The following MAP1B variants were observed in gnomAD, a reference collection of about 807,000 sequenced individuals.
MAP1B encodes the protein microtubule-associated protein 1B.
Under a neutral mutation model 176.1 loss-of-function variants are expected in MAP1B, and 12 were observed. The observed-to-expected ratio is 0.07, with a 90% confidence interval of 0.04 to 0.11. The LOEUF is 0.11. Among genes scored for constraint, MAP1B ranks in the 10% least tolerant of loss-of-function variants. The pLI is 1.00. For missense variants in MAP1B, 2,523 were observed against 2,990.5 expected, an observed-to-expected ratio of 0.84 and a Z score of 3.65; for synonymous variants, 1,044 against 1,135.0, an observed-to-expected ratio of 0.92 and a Z score of 1.61.
chr5:72,198,502 A>T lies in MAP1B; in HGVS notation c.5147A>T (p.Asp1716Val), dbSNP rs376206521. 2 of 1,613,946 alleles carry T rather than the reference A, an allele frequency of 1.2e-6. No individual in the cohort carries two copies. Among genetic ancestry groups the T allele is most frequent in the Non-Finnish European group, 1.7e-6 (2 of 1,180,022 alleles). The change falls in exon 5 of 7, where the codon GAT becomes GTT. Residue 1716 changes from aspartate to valine, a missense_variant. Physicochemically the swap from Asp to Val is radical, Grantham distance 152. This residue lies in a region of MAP1B where 1,925 missense variants were observed against 2,126.0 expected (regional missense o/e 0.91). Coordinates refer to ENST00000296755, the MANE Select transcript of MAP1B (RefSeq NM_005909.5). ...MEEPSYTQDN[D>V]LSELISVSQV... ...GAGCCGTCCTACACCCAAGATAATG[A>T]TCTTTCTGAGCTCATCTCAGTATCT... is the stretch of plus-strand genomic sequence containing the variant.
rs35538777 is a variant in MAP1B, at chr5:72,195,290, G to A, written c.1935G>A (p.Lys645=). The A allele has an allele frequency of 1.3e-4, 211 of 1,613,230 alleles. No homozygotes were observed. The African/African-American group carries it at 2.7e-3, about 20-fold the overall frequency. ...EKTVKKETKV[K]PEDKKEEKEK... ...CGGTGAAAAAGGAAACAAAGGTAAA[G>A]CCTGAAGACAAGAAAGAGGAGAAAG... is the stretch of plus-strand genomic sequence containing the variant. Residue 645 remains lysine (K), a synonymous_variant, in exon 5 of 7, where the codon AAG becomes AAA. Transcript: ENST00000296755.
intron 1 of MAP1B, among the ~76,000 whole-genome samples, chr5:72,108,288 C>A (rs1157401692): frequency 6.6e-6 from 1 of 152,246 alleles, no homozygotes; most frequent in Non-Finnish European, 1.5e-5. Flanking sequence ...CCCGCTCCCC[C>A]CGCCCCCCCC....
In MAP1B at chr5:72,195,725, G is replaced by A. The variant is rs1437340355; in HGVS notation, c.2370G>A (p.Lys790=). ...TAAAAGTCATTAAGAAGGAAGGCAA[G>A]GCCGCAGAGGCTGTCGCTGCAGCTG... The part of the protein sequence containing the change: ...GKIKVIKKEG[K]AAEAVAAAVG... The change falls in exon 5 of 7, where the codon AAG becomes AAA. Residue 790 remains lysine (K), a synonymous_variant. Coordinates refer to ENST00000296755, the MANE Select transcript of MAP1B (RefSeq NM_005909.5). The A allele has an allele frequency of 6.2e-7, 1 of 1,614,244 alleles. No homozygotes were observed. Among genetic ancestry groups the A allele is most frequent in the Non-Finnish European group, 8.5e-7 (1 of 1,180,046 alleles).
intron 2 of MAP1B, among the ~76,000 whole-genome samples, chr5:72,121,890 A>G (rs1745536308): frequency 6.6e-6 from 1 of 152,186 alleles, no homozygotes; most frequent in Non-Finnish European, 1.5e-5. Flanking sequence ...AGCGGCATTC[A>G]AGGGGCTGAC....
In MAP1B at chr5:72,198,201, C is replaced by T. The variant is rs753784051; in HGVS notation, c.4846C>T (p.Pro1616Ser). The part of the protein sequence containing the change: ...MSPSKEECPR[P>S]MSISPPDFSP... ...TCCATCTAAAGAAGAATGCCCAAGA[C>T]CGATGTCAATTTCTCCACCAGATTT... Residue 1616 changes from proline to serine, a missense_variant, in exon 5 of 7, where the codon CCG (proline) becomes TCG (serine). By Grantham distance (74) the Pro-to-Ser change is moderately conservative. Transcript: ENST00000296755. 1.4e-5 allele frequency: 22 copies of T among 1,614,100 alleles called. No homozygotes were observed. The highest frequency in any genetic ancestry group is 1.8e-5 in the Non-Finnish European group (21 of 1,180,048).
At chr5:72,156,460 T>A (rs2112173380) in intron 2 of MAP1B, among the ~76,000 whole-genome samples, 1 of 152,302 alleles carries the variant, frequency 6.6e-6, no homozygotes, top group African/African-American at 2.4e-5. Flanking sequence ...TGAAATAGCA[T>A]GGCCACAAAA....
Position 72,200,325 on chromosome 5 carries a change from G to C in MAP1B, c.6970G>C (p.Ala2324Pro). The C allele has an allele frequency of 6.2e-7, 1 of 1,614,152 alleles. No individual in the cohort carries two copies. Among genetic ancestry groups the C allele is most frequent in the Non-Finnish European group, 8.5e-7 (1 of 1,180,010 alleles). ...GAAAGACAAGGAGACCAAGAATGCT[G>C]CCAATGCCTCTGCATCCAAGTCGGC... ...EEKDKETKNAANASASKSAKT... is the reference protein window; with the variant it reads ...EEKDKETKNAPNASASKSAKT... Residue 2324 changes from alanine to proline, a missense_variant, in exon 5 of 7, where the codon GCC becomes CCC. Ala to Pro is a conservative substitution (Grantham distance 27). Coordinates refer to ENST00000296755, the MANE Select transcript of MAP1B (RefSeq NM_005909.5).
At chr5:72,189,777 G>A (rs757971329) in intron 4 of MAP1B, among the ~76,000 whole-genome samples, 7 of 152,090 alleles carry the variant, frequency 4.6e-5, no homozygotes, top group Non-Finnish European at 1.0e-4. Context: ...GGGAATTCAG[G>A]AGTTTAGTCC....
At chr5:72,171,583 C>A (rs1049512714) in intron 2 of MAP1B, among the ~76,000 whole-genome samples, 28 of 152,088 alleles carry the variant, frequency 1.8e-4, no homozygotes, top group African/African-American at 6.5e-4. Context: ...GAGTGAGACC[C>A]TCCCTCAAAA....
Position 72,205,135 on chromosome 5 carries a change from G to A in MAP1B, c.7303G>A (p.Glu2435Lys). 6.2e-7 allele frequency: 1 copy of A among 1,613,862 alleles called. No individual in the cohort carries two copies. Among genetic ancestry groups the A allele is most frequent in the African/African-American group, 1.3e-5 (1 of 74,966 alleles). Residue 2435 changes from glutamate (E) to lysine (K), a missense_variant, in exon 7 of 7, where the codon GAG (glutamate) becomes AAG (lysine). This residue lies in a region of MAP1B where 287 missense variants were observed against 401.5 expected (regional missense o/e 0.71). Coordinates refer to ENST00000296755, the MANE Select transcript of MAP1B (RefSeq NM_005909.5). ...AGAAGTGATGAGGGAATGGTACCAG[G>A]AGACCCATGAGAAACAGCAAGATCT... is the stretch of plus-strand genomic sequence containing the variant. ...DSEVMREWYQ[E>K]THEKQQDLNI... is the part of the protein sequence containing the mutation.
intron 2 of MAP1B, among the ~76,000 whole-genome samples, chr5:72,136,583 G>C (rs891626410): frequency 2.0e-5 from 3 of 152,074 alleles, no homozygotes; most frequent in Non-Finnish European, 4.4e-5. Flanking sequence ...GGAAAAGGGG[G>C]ACATTCTCAG....
intron 2 of MAP1B, among the ~76,000 whole-genome samples, chr5:72,150,664 T>A (rs1432881658): frequency 6.6e-6 from 1 of 152,142 alleles, no homozygotes; most frequent in Non-Finnish European, 1.5e-5. Context: ...CCCTCCACCC[T>A]CCGATAGGCC....
At position 72,194,979 on chromosome 5, in the gene MAP1B, C is replaced by T; in HGVS notation, c.1624C>T (p.Arg542Ter). The T allele has an allele frequency of 1.2e-6, 2 of 1,613,950 alleles. No individual in the cohort carries two copies. Among genetic ancestry groups the T allele is most frequent in the Non-Finnish European group, 1.7e-6 (2 of 1,179,982 alleles). ...AAAACTGAAACAGAGGGCTGATAGC[C>T]GAGAAAGTCTGAAGCCAGCCGCAAA... ...QTKLKQRADS[R>*]ESLKPAAKPL... Residue 542 changes from arginine (R) to a stop codon, truncating the protein, a stop_gained, in exon 5 of 7, where the codon CGA becomes TGA. Transcript: ENST00000296755. LOFTEE classifies it high-confidence loss of function. This position sits in a 1 kb window ranked among gnomAD's most constrained non-coding sequence, Gnocchi z 7.2.
chr5:72,134,549 G>A (rs1042980252), intron 2 of MAP1B, among the ~76,000 whole-genome samples: 1 of 152,052 alleles, frequency 6.6e-6, no homozygotes, highest in African/African-American at 2.4e-5. Context: ...TTTTGTTAAC[G>A]GAAGCTGTTG....
At chr5:72,170,706 T>C (rs2112193335) in intron 2 of MAP1B, among the ~76,000 whole-genome samples, 1 of 152,292 alleles carries the variant, frequency 6.6e-6, no homozygotes, top group African/African-American at 2.4e-5. Flanking sequence ...ACGCCTGTAA[T>C]CCCAGCACTC....
intron 2 of MAP1B, among the ~76,000 whole-genome samples, chr5:72,140,023 G>A (rs1386968549): frequency 2.0e-5 from 3 of 151,770 alleles, no homozygotes; most frequent in Non-Finnish European, 2.9e-5. Context: ...GTGCAGTGGC[G>A]CGGTCTCAGC....
intron 2 of MAP1B, among the ~76,000 whole-genome samples, chr5:72,167,195 T>C (rs943592639): frequency 5.9e-5 from 9 of 152,188 alleles, no homozygotes; most frequent in Non-Finnish European, 1.3e-4. Context: ...CCCTGGTCCA[T>C]GCAAGTCATA....
In MAP1B at chr5:72,158,189, T is replaced by C. The variant is rs139739040; in HGVS notation, c.287-25554T>C. 1.9e-4 allele frequency among the ~76,000 whole-genome samples: 28 copies of C among 151,316 alleles called. No individual in the cohort carries two copies. The East Asian group carries it at 5.5e-3, about 30-fold the overall frequency. On this transcript the variant is annotated intron_variant, in intron 2 of 6. Transcript: ENST00000296755. ...TCGCCCGGCTAATTTTTTGTATTTT[T>C]AGTAGAGATGGGGTTTCACTATATT...
At chr5:72,205,061 A>ATTTTTTTT (rs763152671) in intron 6 of MAP1B, 23 bp from the exon 7 acceptor site, 3 of 1,445,326 alleles carry the variant, frequency 2.1e-6, no homozygotes, top group Admixed American at 2.0e-5. Flanking sequence ...TTAAATAGCT[A>ATTTTTTTT]TTTTTTTTTT....
Sources: allele counts gnomAD v4.1 joint callset (sites outside exome capture counted in the v4.1 genomes callset), GRCh38; gene constraint gnomAD v4.1.1; regional missense constraint gnomAD v4.1.1; non-coding constraint Gnocchi (gnomAD v3.1); transcripts MANE v1.5; gene names NCBI Gene and HGNC (gene_info 2026-07-23, HGNC 2026-07-21).